The following MGAT5 variants were observed in gnomAD, a reference collection of about 807,000 sequenced individuals.
The protein encoded by MGAT5 is alpha-1,6-mannosylglycoprotein 6-beta-N-acetylglucosaminyltransferase A.
MGAT5 carries 30 observed loss-of-function variants against 94.3 expected under a neutral mutation model. That is an observed-to-expected ratio of 0.32 (90% CI 0.24 to 0.43). The LOEUF (loss-of-function observed/expected upper bound fraction) is 0.43. MGAT5 is among the 20% of genes least tolerant of loss of function. The pLI is 1.00. For missense variants in MGAT5, 691 were observed against 905.5 expected (o/e 0.76, Z 3.04); for synonymous variants, 310 against 322.9 (o/e 0.96, Z 0.43).
chr2:134,201,498 T>G (rs957990716), intron 1 of MGAT5, among the ~76,000 whole-genome samples: 1 of 151,866 alleles, frequency 6.6e-6, no homozygotes, highest in Non-Finnish European at 1.5e-5. Flanking sequence ...GGGGAGTGAG[T>G]AATTAGATTC....
At chr2:134,212,800 C>T (rs1680270799) in intron 1 of MGAT5, among the ~76,000 whole-genome samples, 1 of 152,142 alleles carries the variant, frequency 6.6e-6, no homozygotes, top group Admixed American at 6.5e-5. Context: ...TTGCACTTCT[C>T]CAGAGATAAT....
chr2:134,435,426 T>C (rs1232763142), intron 14 of MGAT5, among the ~76,000 whole-genome samples: 1 of 152,252 alleles, frequency 6.6e-6, no homozygotes, highest in Non-Finnish European at 1.5e-5. Context: ...ATTTCAGTGA[T>C]GCCTTATCAG....
intron 1 of MGAT5, among the ~76,000 whole-genome samples, chr2:134,172,745 G>A (rs1187627923): frequency 6.6e-6 from 1 of 152,226 alleles, no homozygotes; most frequent in Non-Finnish European, 1.5e-5. Flanking sequence ...TGCCTAAGGG[G>A]CAGACCCTTG....
chr2:134,174,111 A>C (rs1688348478), intron 1 of MGAT5, among the ~76,000 whole-genome samples: 1 of 152,266 alleles, frequency 6.6e-6, no homozygotes, highest in Non-Finnish European at 1.5e-5. Flanking sequence ...TAGCAGCCAC[A>C]GAGCCTGTGA....
chr2:134,268,437 G>T lies in MGAT5; in HGVS notation c.242-1949G>T, dbSNP rs1683844974. ...GCCTCTGGCACTCTTCAGAACTCTG[G>T]AGAGCCAGTTGATGCATTAGACTTA... On this transcript the variant is annotated intron_variant, in intron 1 of 15. Transcript: ENST00000281923. The surrounding 1 kb of genome is among the most constrained non-coding windows in gnomAD (Gnocchi z 4.1). Among the ~76,000 whole-genome samples the T allele has an allele frequency of 6.6e-6, 1 of 152,200 alleles. No homozygotes were observed. Among genetic ancestry groups the T allele is most frequent in the Non-Finnish European group, 1.5e-5 (1 of 68,030 alleles).
At chr2:134,121,992 C>A (rs1011757985) in intron 1 of MGAT5, among the ~76,000 whole-genome samples, 3 of 152,040 alleles carry the variant, frequency 2.0e-5, no homozygotes, top group African/African-American at 7.2e-5. Context: ...GAATTTTCAC[C>A]CTCCTCCCCC....
At chr2:134,131,414 G>A (rs776121072) in intron 1 of MGAT5, among the ~76,000 whole-genome samples, 6 of 152,128 alleles carry the variant, frequency 3.9e-5, no homozygotes, top group Non-Finnish European at 7.3e-5. Flanking sequence ...CTGAATTCCC[G>A]AAATTAGTAT....
chr2:134,130,576 C>T (rs1686103840), intron 1 of MGAT5, among the ~76,000 whole-genome samples: 1 of 151,884 alleles, frequency 6.6e-6, no homozygotes, highest in Admixed American at 6.6e-5. Context: ...ATGCACCAAT[C>T]AGCACTTTGT....
intron 1 of MGAT5, among the ~76,000 whole-genome samples, chr2:134,158,311 C>T (rs2105049587): frequency 6.6e-6 from 1 of 152,340 alleles, no homozygotes; most frequent in East Asian, 1.9e-4. Flanking sequence ...CAGGCCCATA[C>T]CGAGCCACCC....
chr2:134,290,650 G>A (rs1685292920), intron 2 of MGAT5, among the ~76,000 whole-genome samples: 1 of 152,228 alleles, frequency 6.6e-6, no homozygotes, highest in Non-Finnish European at 1.5e-5. Flanking sequence ...CCTGAAAACA[G>A]CACTGGCAGG....
intron 1 of MGAT5, among the ~76,000 whole-genome samples, chr2:134,132,351 C>T (rs1686216179): frequency 6.6e-6 from 1 of 152,116 alleles, no homozygotes; most frequent in African/African-American, 2.4e-5. Flanking sequence ...TTTGACCCCA[C>T]CCTGGAGTAA....
chr2:134,324,386 A>C (rs917763577), intron 4 of MGAT5, among the ~76,000 whole-genome samples: 6 of 152,184 alleles, frequency 3.9e-5, no homozygotes, highest in Admixed American at 1.3e-4. Flanking sequence ...TCTAGTTCTT[A>C]TATTTCATAA....
intron 10 of MGAT5, among the ~76,000 whole-genome samples, chr2:134,385,707 C>T (rs1297218991): frequency 1.3e-5 from 2 of 151,876 alleles, no homozygotes; most frequent in African/African-American, 2.4e-5. Flanking sequence ...TAAATACATA[C>T]GAAACATACA....
intron 10 of MGAT5, among the ~76,000 whole-genome samples, chr2:134,386,307 A>AG (rs1227028268): frequency 2.6e-5 from 4 of 152,240 alleles, no homozygotes; most frequent in African/African-American, 9.6e-5. Context: ...GAGACTACAT[A>AG]GAAAAAAATC....
At chr2:134,321,494 G>A (rs983220409) in intron 4 of MGAT5, among the ~76,000 whole-genome samples, 1 of 152,164 alleles carries the variant, frequency 6.6e-6, no homozygotes, top group Non-Finnish European at 1.5e-5. Context: ...TGCTCCCAGT[G>A]AAGTATATGG....
intron 14 of MGAT5, among the ~76,000 whole-genome samples, chr2:134,430,661 GC>G (rs1296370449): frequency 6.6e-6 from 1 of 151,706 alleles, no homozygotes; most frequent in East Asian, 1.9e-4. Context: ...AAACTGCACC[GC>G]CCCCCACCCC....
chr2:134,245,758 C>T (rs1412533368), intron 1 of MGAT5, among the ~76,000 whole-genome samples: 1 of 152,150 alleles, frequency 6.6e-6, no homozygotes, highest in Non-Finnish European at 1.5e-5. Flanking sequence ...AAGAAGAGTG[C>T]ATGTTCTGGA....
At chr2:134,246,608 G>A (rs577648564) in intron 1 of MGAT5, among the ~76,000 whole-genome samples, 1 of 152,308 alleles carries the variant, frequency 6.6e-6, no homozygotes, top group Non-Finnish European at 1.5e-5. Context: ...CCTTGAGGTT[G>A]GTGGGACATT....
At chr2:134,315,253 G>T (rs1686931734) in intron 2 of MGAT5, among the ~76,000 whole-genome samples, 1 of 152,150 alleles carries the variant, frequency 6.6e-6, no homozygotes, top group Non-Finnish European at 1.5e-5. Flanking sequence ...TGTAAAGGGG[G>T]TGGCATTTCC....
Sources: allele counts gnomAD v4.1 joint callset (sites outside exome capture counted in the v4.1 genomes callset), GRCh38; gene constraint gnomAD v4.1.1; non-coding constraint Gnocchi (gnomAD v3.1); transcripts MANE v1.5; gene names NCBI Gene and HGNC (gene_info 2026-07-23, HGNC 2026-07-21).